Variants in SLAMF9 observed in about 807,000 individuals in gnomAD.
The protein encoded by SLAMF9 is CD2 family member 10.
A neutral mutation model predicts 30.4 loss-of-function variants in SLAMF9; 25 were observed. The ratio of observed to expected loss-of-function variants is 0.82; its 90% CI spans 0.60 to 1.15. SLAMF9 has a LOEUF of 1.15. Ranked by LOEUF, SLAMF9 falls within the 50% of genes most tolerant of loss-of-function variation. SLAMF9 has a pLI of 0.00. For missense variants in SLAMF9, 344 were observed against 346.1 expected, an observed-to-expected ratio of 0.99 and a Z score of 0.05; for synonymous variants, 129 against 127.2, an observed-to-expected ratio of 1.01 and a Z score of -0.09.
At chr1:159,975,236 G>T in the SLAMF9 span, among the ~76,000 whole-genome samples, 18 of 152,182 alleles carry the variant, frequency 1.2e-4, no homozygotes, top group African/African-American at 4.3e-4. Context: ...TCGGATATAT[G>T]CTAGTTTATA....
chr1:159,973,349 C>T, the SLAMF9 span: 1 of 568,234 alleles, frequency 1.8e-6, no homozygotes, highest in African/African-American at 1.9e-5. Context: ...AGGCTGAGGC[C>T]TGAGCTTCTA....
chr1:159,972,092 T>A, the SLAMF9 span, among the ~76,000 whole-genome samples: 1 of 150,870 alleles, frequency 6.6e-6, no homozygotes, highest in Non-Finnish European at 1.5e-5. Flanking sequence ...GCTTGGAGAG[T>A]CATGAGGGCC....
chr1:159,952,247 C>T lies in SLAMF9; in HGVS notation c.664+15G>A, dbSNP rs1426213302. The T allele has an allele frequency of 4.3e-6, 7 of 1,613,016 alleles. No individual in the cohort carries two copies. In the East Asian group the frequency reaches 1.6e-4, roughly 36 times the overall value. ...TCTTTCATGAGCTCAGGGGGTGTCTCAGGGGTTCTGGTACCTGCATAGAAG... is the reference window on the plus strand; with the variant it reads ...TCTTTCATGAGCTCAGGGGGTGTCTTAGGGGTTCTGGTACCTGCATAGAAG... On this transcript the variant is annotated intron_variant, in intron 3 of 3. Transcript: ENST00000368093.
the SLAMF9 span, among the ~76,000 whole-genome samples, chr1:159,973,612 G>A: frequency 6.6e-6 from 1 of 152,194 alleles, no homozygotes; most frequent in East Asian, 1.9e-4. Flanking sequence ...CTGGCTACAT[G>A]TGTCCCCCAT....
chr1:159,956,130 G>GAAATTGTAGAT (rs1651918217), upstream of SLAMF9, among the ~76,000 whole-genome samples: 1 of 152,132 alleles, frequency 6.6e-6, no homozygotes. Flanking sequence ...AATGTGTAAA[G>GAAATTGTAGAT]AAATTGTAGA....
upstream of SLAMF9, among the ~76,000 whole-genome samples, chr1:159,958,815 A>G (rs1262158833): frequency 6.6e-6 from 1 of 151,840 alleles, no homozygotes; most frequent in Non-Finnish European, 1.5e-5. Context: ...TAGAACTTCA[A>G]TTTTTTTCTC....
the SLAMF9 span, among the ~76,000 whole-genome samples, chr1:159,965,988 G>A: frequency 1.3e-5 from 2 of 151,974 alleles, no homozygotes; most frequent in Non-Finnish European, 2.9e-5. Context: ...TACACTTTTA[G>A]TTATTTTGAA....
At chr1:159,978,381 C>A in the SLAMF9 span, among the ~76,000 whole-genome samples, 1 of 152,148 alleles carries the variant, frequency 6.6e-6, no homozygotes, top group Non-Finnish European at 1.5e-5. Context: ...CGAGGTGGGT[C>A]TCAGGCACAT....
the SLAMF9 span, among the ~76,000 whole-genome samples, chr1:159,966,311 T>G: frequency 1.3e-5 from 2 of 152,230 alleles, no homozygotes; most frequent in Non-Finnish European, 2.9e-5. Flanking sequence ...CTGATTAGTA[T>G]TCCATTGTGT....
chr1:159,982,773 G>GT, the SLAMF9 span, among the ~76,000 whole-genome samples: 1 of 152,216 alleles, frequency 6.6e-6, no homozygotes, highest in African/African-American at 2.4e-5. Context: ...GCTCACGCCT[G>GT]TAATCCCAGC....
At chr1:159,980,358 T>C in the SLAMF9 span, among the ~76,000 whole-genome samples, 2 of 152,136 alleles carry the variant, frequency 1.3e-5, no homozygotes, top group Non-Finnish European at 2.9e-5. Context: ...ACCAGCCTTG[T>C]ACCTTTCGTT....
chr1:159,971,340 CA>C, the SLAMF9 span, among the ~76,000 whole-genome samples: 1 of 152,096 alleles, frequency 6.6e-6, no homozygotes, highest in Non-Finnish European at 1.5e-5. Flanking sequence ...CTTCGCTAGG[CA>C]ACAAAAATTC....
the SLAMF9 span, among the ~76,000 whole-genome samples, chr1:159,977,981 T>C: frequency 6.6e-6 from 1 of 152,050 alleles, no homozygotes; most frequent in Non-Finnish European, 1.5e-5. Flanking sequence ...TGGTTAGAAG[T>C]GGGACTGGTG....
At chr1:159,962,382 C>G in the SLAMF9 span, among the ~76,000 whole-genome samples, 124 of 152,168 alleles carry the variant, frequency 8.1e-4, no homozygotes, top group African/African-American at 2.9e-3. Context: ...GCGGTTCACG[C>G]CTATAGTCCC....
Position 159,951,535 on chromosome 1 carries a change from C to T in SLAMF9, c.*126G>A, listed in dbSNP as rs1651739705. The T allele has an allele frequency of 3.6e-6, 3 of 825,580 alleles. No homozygotes were observed. In the South Asian group the frequency reaches 5.1e-5, roughly 14 times the overall value. 51.1% of individuals were successfully genotyped at this position (825,580 alleles called of 1,614,324 possible). A position where few individuals can be genotyped will look rare whatever the true frequency, so the allele number is the denominator to read the frequency against. On this transcript the variant is annotated 3_prime_UTR_variant, in exon 4 of 4. Transcript: ENST00000368093. ...ACTTTATTGCCAGCCAGTCTTCCCT[C>T]AGAAGTATGGCTCTCTGGATACCCA...
chr1:159,973,784 A>G, the SLAMF9 span: 1 of 1,613,250 alleles, frequency 6.2e-7, no homozygotes, highest in Admixed American at 1.7e-5. Flanking sequence ...CAAACTCCCA[A>G]GCTGGTGACT....
At chr1:159,972,182 G>T in the SLAMF9 span, among the ~76,000 whole-genome samples, 1 of 152,036 alleles carries the variant, frequency 6.6e-6, no homozygotes, top group Non-Finnish European at 1.5e-5. Context: ...CTCTCTGTTC[G>T]TGCCCTGTGT....
At chr1:159,957,140 CAA>C (rs143801500), upstream of SLAMF9, among the ~76,000 whole-genome samples, 1 of 104,778 alleles carries the variant, frequency 9.5e-6, no homozygotes, top group African/African-American at 3.7e-5. Flanking sequence ...AAAAAAAAGA[CAA>C]AAAAAAAAAA....
At chr1:159,973,327 T>C in the SLAMF9 span, 3 of 603,828 alleles carry the variant, frequency 5.0e-6, no homozygotes, top group Non-Finnish European at 8.8e-6. Context: ...TCCTGGATGA[T>C]AAAGCCCCAG....
Sources: allele counts gnomAD v4.1 joint callset (sites outside exome capture counted in the v4.1 genomes callset), GRCh38; gene constraint gnomAD v4.1.1; transcripts MANE v1.5; gene names NCBI Gene and HGNC (gene_info 2026-07-23, HGNC 2026-07-21).